MGLL: variants seen among roughly 807,000 people sequenced by gnomAD.
MGLL encodes lysophospholipase homolog.
MGLL carries 7 observed loss-of-function variants against 29.1 expected under a neutral mutation model. The observed-to-expected ratio is 0.24, with a 90% confidence interval of 0.14 to 0.45. The LOEUF is 0.45. Among genes scored for constraint, MGLL ranks in the 20% least tolerant of loss-of-function variants. The probability of loss-of-function intolerance (pLI) is 0.99; values close to 1 mark genes in which losing one functional copy is unlikely to be tolerated. For synonymous variants in MGLL, 148 were observed against 168.3 expected (o/e 0.88, Z 0.93); for missense variants, 356 against 413.6 (o/e 0.86, Z 1.21).
At chr3:127,800,164 C>A (rs141736444) in intron 2 of MGLL, among the ~76,000 whole-genome samples, 1 of 152,194 alleles carries the variant, frequency 6.6e-6, no homozygotes, top group South Asian at 2.1e-4. Flanking sequence ...TTGAACCACA[C>A]TCTAAGTGGT....
At chr3:127,755,003 T>C (rs549916387) in intron 3 of MGLL, among the ~76,000 whole-genome samples, 1 of 151,174 alleles carries the variant, frequency 6.6e-6, no homozygotes, top group African/African-American at 2.4e-5. Flanking sequence ...CACGAGATGG[T>C]GGGGGTGTTT....
At chr3:127,804,204 A>G (rs987027807) in intron 2 of MGLL, among the ~76,000 whole-genome samples, 17 of 152,258 alleles carry the variant, frequency 1.1e-4, no homozygotes, top group African/African-American at 3.9e-4. Context: ...TACCACCCGG[A>G]ATGCAAGATG....
chr3:127,798,801 G>T (rs763640057), intron 2 of MGLL, among the ~76,000 whole-genome samples: 3 of 152,154 alleles, frequency 2.0e-5, no homozygotes, highest in Non-Finnish European at 4.4e-5. Flanking sequence ...CTGCAGGAAG[G>T]TTCCTATCAG....
chr3:127,802,503 A>AC (rs1418899415), intron 2 of MGLL, among the ~76,000 whole-genome samples: 1 of 151,872 alleles, frequency 6.6e-6, no homozygotes, highest in Non-Finnish European at 1.5e-5. Context: ...ATGGATAATC[A>AC]CCCCCCTTGT....
intron 3 of MGLL, among the ~76,000 whole-genome samples, chr3:127,740,963 TGCCTGGCCCCA>T (rs887220338): frequency 2.0e-5 from 3 of 152,196 alleles, no homozygotes; most frequent in Admixed American, 6.5e-5. Context: ...CAGGTACCAA[TGCCTGGCCCCA>T]GCCAGCAGGG....
At chr3:127,718,642 T>G (rs1318714325) in intron 5 of MGLL, among the ~76,000 whole-genome samples, 1 of 151,542 alleles carries the variant, frequency 6.6e-6, no homozygotes, top group Admixed American at 6.6e-5. Context: ...AAACACAGAG[T>G]ACCCCCGACA....
intron 3 of MGLL, among the ~76,000 whole-genome samples, chr3:127,726,117 C>A (rs570999308): frequency 2.9e-4 from 17 of 58,162 alleles, no homozygotes; most frequent in African/African-American, 2.2e-4. Context: ...AGAAAGAAAG[C>A]AGGAAAGAAA....
intron 6 of MGLL, among the ~76,000 whole-genome samples, chr3:127,700,107 A>T (rs782434): frequency 0.035 from 5,325 of 152,202 alleles, 232 homozygotes; most frequent in African/African-American, 0.098. Flanking sequence ...CTCTTAATCC[A>T]TCCATTTCCA....
intron 3 of MGLL, among the ~76,000 whole-genome samples, chr3:127,743,757 T>C (rs1559938974): frequency 6.6e-6 from 1 of 152,038 alleles, no homozygotes. Flanking sequence ...GCTCTGCTTT[T>C]CTCGCTTTCT....
intron 3 of MGLL, among the ~76,000 whole-genome samples, chr3:127,739,573 C>T (rs2076299457): frequency 1.3e-5 from 2 of 152,188 alleles, no homozygotes; most frequent in Admixed American, 1.3e-4. Flanking sequence ...TAGCTCACCA[C>T]TGATGCTTTT....
At chr3:127,800,481 T>G (rs1003549599) in intron 2 of MGLL, among the ~76,000 whole-genome samples, 1 of 152,214 alleles carries the variant, frequency 6.6e-6, no homozygotes, top group Non-Finnish European at 1.5e-5. Context: ...ATCTGTGAAA[T>G]GAGGAGAACC....
intron 2 of MGLL, among the ~76,000 whole-genome samples, chr3:127,796,676 G>A (rs1233238992): frequency 6.6e-6 from 1 of 152,144 alleles, no homozygotes; most frequent in African/African-American, 2.4e-5. Flanking sequence ...GGTGCCCTAT[G>A]GTGAGTGTCA....
chr3:127,792,308 G>C (rs1243978503), intron 2 of MGLL, among the ~76,000 whole-genome samples: 2 of 152,220 alleles, frequency 1.3e-5, no homozygotes, highest in South Asian at 2.1e-4. Flanking sequence ...TTCGAGAAAG[G>C]CTGGAGTAAT....
intron 3 of MGLL, chr3:127,735,670 G>A: frequency 6.3e-7 from 1 of 1,581,264 alleles, no homozygotes; most frequent in Non-Finnish European, 8.6e-7. Flanking sequence ...TACTCATCAA[G>A]TTGTTGGGGG....
chr3:127,766,836 T>C (rs968519559), intron 3 of MGLL, among the ~76,000 whole-genome samples: 3 of 152,140 alleles, frequency 2.0e-5, no homozygotes, highest in Admixed American at 2.0e-4. Flanking sequence ...TCTGGGAGGC[T>C]GAGGTGGGCG....
At chr3:127,698,629 A>G (rs1177032009) in intron 6 of MGLL, among the ~76,000 whole-genome samples, 1 of 152,124 alleles carries the variant, frequency 6.6e-6, no homozygotes, top group Non-Finnish European at 1.5e-5. Context: ...AAAGGGCAAC[A>G]TGAGGGGTCC....
intron 6 of MGLL, among the ~76,000 whole-genome samples, chr3:127,695,901 C>T (rs994584936): frequency 8.5e-5 from 13 of 152,180 alleles, no homozygotes; most frequent in Admixed American, 3.3e-4. Context: ...GATTTGGTGT[C>T]CACCTGGTGG....
At chr3:127,766,358 C>A (rs1258962809) in intron 3 of MGLL, among the ~76,000 whole-genome samples, 1 of 152,184 alleles carries the variant, frequency 6.6e-6, no homozygotes, top group Non-Finnish European at 1.5e-5. Flanking sequence ...CTGTTTATTG[C>A]AAATATTGTA....
chr3:127,775,525 C>T (rs759321145), intron 3 of MGLL, among the ~76,000 whole-genome samples: 6 of 152,094 alleles, frequency 3.9e-5, no homozygotes, highest in African/African-American at 7.2e-5. Context: ...GAGAACCACG[C>T]GTAACTGCCG....
Sources: allele counts gnomAD v4.1 joint callset (sites outside exome capture counted in the v4.1 genomes callset), GRCh38; gene constraint gnomAD v4.1.1; transcripts MANE v1.5; gene names NCBI Gene and HGNC (gene_info 2026-07-23, HGNC 2026-07-21).